ALOXE3: variants seen among roughly 807,000 people sequenced by gnomAD.
ALOXE3 encodes the protein arachidonate epidermal lipoxygenase 3.
In ALOXE3, 78 loss-of-function variants were observed where a neutral mutation model predicts 87.5. The observed-to-expected ratio is 0.89, with a 90% confidence interval of 0.74 to 1.08. The LOEUF (loss-of-function observed/expected upper bound fraction) is 1.08, where lower values mean the gene tolerates loss of function less well. ALOXE3 is among the 50% of genes least tolerant of loss of function. The probability of loss-of-function intolerance (pLI) is 0.00; values close to 1 mark genes in which losing one functional copy is unlikely to be tolerated. For missense variants in ALOXE3, 946 were observed against 912.4 expected (o/e 1.04, Z -0.47); for synonymous variants, 363 against 370.8 (o/e 0.98, Z 0.24).
At chr17:8,118,342 G>A (rs1333575438) in intron 1 of ALOXE3, 39 bp from the exon 2 acceptor site, 67 of 1,551,704 alleles carry the variant, frequency 4.3e-5, no homozygotes, top group Non-Finnish European at 5.8e-5. Flanking sequence ...TGGAGAAAAG[G>A]AGGTAACGCC....
At chr17:8,102,026 T>C (rs1978955791) in intron 15 of ALOXE3, among the ~76,000 whole-genome samples, 3 of 152,192 alleles carry the variant, frequency 2.0e-5, no homozygotes, top group Admixed American at 1.3e-4. Flanking sequence ...GCAAGACGGC[T>C]GGGTGGAAAC....
At chr17:8,115,838 C>T in intron 3 of ALOXE3, 150 bp from the exon 4 acceptor site, 1 of 743,422 alleles carries the variant, frequency 1.3e-6, no homozygotes, top group Non-Finnish European at 2.4e-6. Flanking sequence ...TTTGTGTATT[C>T]ATCAGTAGAA....
chr17:8,103,392 G>T lies in ALOXE3; in HGVS notation c.1887C>A (p.Leu629=), dbSNP rs3027285. 6.2e-7 allele frequency: 1 copy of T among 1,614,124 alleles called. No homozygotes were observed. The highest frequency in any genetic ancestry group is 8.5e-7 in the Non-Finnish European group (1 of 1,180,026). ...TTTLKTYLDT[L]PEVNISCNNL... ...TGTTACAGCTGATGTTCACTTCAGG[G>T]AGGGTGTCTAGGTAAGTCTTCAGGG... The change falls in exon 15 of 16, where the codon CTC becomes CTA. Residue 629 remains leucine (L), a synonymous_variant. Coordinates refer to ENST00000448843, the MANE Select transcript of ALOXE3 (RefSeq NM_021628.3).
chr17:8,096,762 G>A lies in ALOXE3; in HGVS notation c.2001C>T (p.Ala667=), dbSNP rs772803552. 1.9e-6 allele frequency: 3 copies of A among 1,614,164 alleles called. No individual in the cohort carries two copies. The highest frequency in any genetic ancestry group is 4.5e-5 in the East Asian group (2 of 44,874). ...GGAAGGCGGCGATGCTCCGCCTCGG[G>A]GCCTCCTCTGTGAAGTGCTCATCTG... ...TYPDEHFTEE[A]PRRSIAAFQS... Residue 667 remains alanine, a synonymous_variant, in exon 16 of 16, where the codon GCC becomes GCT. Coordinates refer to ENST00000448843, the MANE Select transcript of ALOXE3 (RefSeq NM_021628.3).
rs1338146931 is a variant in ALOXE3, at chr17:8,109,492, G to C, written c.1393-149C>G. The C allele has an allele frequency of 7.6e-6, 8 of 1,054,842 alleles. No homozygotes were observed. In the Admixed American group the frequency reaches 1.5e-4, roughly 20 times the overall value. 65.3% of individuals were successfully genotyped at this position (1,054,842 alleles called of 1,614,324 possible). ...ATCAAATACCCACGAGGGCCTGCCT[G>C]ACGCAGGCTGCGCAGCTTGACGCCC... On this transcript the variant is annotated intron_variant, in intron 11 of 15. Transcript: ENST00000448843.
intron 11 of ALOXE3, 63 bp downstream of exon 11, chr17:8,109,853 G>A: frequency 6.7e-7 from 1 of 1,482,860 alleles, no homozygotes. Context: ...AGGGCTTGGG[G>A]GCGGGTAGCG....
intron 6 of ALOXE3, among the ~76,000 whole-genome samples, chr17:8,113,440 G>T (rs1200380127): frequency 1.3e-5 from 2 of 152,134 alleles, no homozygotes. Flanking sequence ...ATCACCTGAG[G>T]TCAGGAGTTC....
chr17:8,112,774 G>A (rs1568002037), intron 6 of ALOXE3, among the ~76,000 whole-genome samples: 1 of 123,894 alleles, frequency 8.1e-6, no homozygotes. Context: ...TTTTTACAGT[G>A]AGCACTATTT....
rs770504844 is a variant in ALOXE3, at chr17:8,115,027, G to A, written c.465C>T (p.Cys155=). 6.2e-7 allele frequency: 1 copy of A among 1,614,160 alleles called. No homozygotes were observed. ...RWKIYAPGFP[C]MVDVNSFQEM... ...CCTGAAAGCTGTTGACGTCTACCAT[G>A]CAGGGGAAGCCAGGGGCATAGATCT... is the stretch of plus-strand genomic sequence containing the variant. The change falls in exon 5 of 16, where the codon TGC becomes TGT. Residue 155 remains cysteine, a synonymous_variant. Coordinates refer to ENST00000448843, the MANE Select transcript of ALOXE3 (RefSeq NM_021628.3).
chr17:8,108,221 G>C (rs1979677670), intron 13 of ALOXE3, among the ~76,000 whole-genome samples: 2 of 152,194 alleles, frequency 1.3e-5, no homozygotes, highest in Non-Finnish European at 2.9e-5. Context: ...GGGTGGGCTT[G>C]TGGAAAGGTC....
At chr17:8,097,634 A>G (rs989858084) in intron 15 of ALOXE3, among the ~76,000 whole-genome samples, 1 of 152,012 alleles carries the variant, frequency 6.6e-6, no homozygotes, top group Non-Finnish European at 1.5e-5. Context: ...TCCCTCCCTC[A>G]TGATCATATC....
chr17:8,096,607 T>G lies in ALOXE3; in HGVS notation c.*20A>C, dbSNP rs1598190328. On this transcript the variant is annotated 3_prime_UTR_variant, in exon 16 of 16. Coordinates refer to ENST00000448843, the MANE Select transcript of ALOXE3 (RefSeq NM_021628.3). ...TCATGCTTGGACCTTTCTTTCTTCTTGGGTGGTATTTGGGGGTGGTTAGAT... is the reference window on the plus strand; with the variant it reads ...TCATGCTTGGACCTTTCTTTCTTCTGGGGTGGTATTTGGGGGTGGTTAGAT... 1 of 1,079,992 alleles carries G rather than the reference T, an allele frequency of 9.3e-7. No homozygotes were observed. Among genetic ancestry groups the G allele is most frequent in the Non-Finnish European group, 1.4e-6 (1 of 692,330 alleles). 66.9% of individuals were successfully genotyped at this position (1,079,992 alleles called of 1,614,324 possible). A position where few individuals can be genotyped will look rare whatever the true frequency, so the allele number is the denominator to read the frequency against.
intron 2 of ALOXE3, 31 bp from the exon 3 acceptor site, chr17:8,117,011 A>G (rs1439632223): frequency 6.2e-7 from 1 of 1,604,522 alleles, no homozygotes; most frequent in Non-Finnish European, 8.5e-7. Context: ...AGCAGGTGAG[A>G]GGCGGGGAAC....
At chr17:8,115,360 G>A (rs1980495332) in intron 4 of ALOXE3, among the ~76,000 whole-genome samples, 1 of 152,188 alleles carries the variant, frequency 6.6e-6, no homozygotes, top group South Asian at 2.1e-4. Flanking sequence ...CTGATATTGG[G>A]ATCTGGGTTA....
chr17:8,112,061 G>C lies in ALOXE3; in HGVS notation c.784+32C>G, dbSNP rs984783422. On this transcript the variant is annotated intron_variant, in intron 7 of 15. Coordinates refer to ENST00000448843, the MANE Select transcript of ALOXE3 (RefSeq NM_021628.3). ...GGGGTCTGAGCATGAGATAAGGTGA[G>C]GGGTAGACATCTCCTGCCTGGCTCT... 2.5e-6 allele frequency: 4 copies of C among 1,569,678 alleles called. No individual in the cohort carries two copies. In the Admixed American group the frequency reaches 6.7e-5, roughly 26 times the overall value.
intron 13 of ALOXE3, among the ~76,000 whole-genome samples, chr17:8,107,831 A>G (rs532188379): frequency 8.9e-4 from 2 of 2,242 alleles, no homozygotes; most frequent in East Asian, 0.014. Context: ...GAAAGAAAGA[A>G]AGAAAGAAAG....
At chr17:8,109,119 T>C (rs1258067269) in intron 12 of ALOXE3, 55 bp downstream of exon 12, 9 of 1,604,366 alleles carry the variant, frequency 5.6e-6, no homozygotes, top group Non-Finnish European at 6.8e-6. Flanking sequence ...GGGACCACAA[T>C]GTCCCAGGCC....
chr17:8,114,654 C>T, intron 5 of ALOXE3, 45 bp from the exon 6 acceptor site: 1 of 1,612,504 alleles, frequency 6.2e-7, no homozygotes, highest in South Asian at 1.1e-5. Flanking sequence ...TCAGTGGGCC[C>T]TGAAGCCCAG....
intron 5 of ALOXE3, 61 bp from the exon 6 acceptor site, chr17:8,114,670 C>G (rs1359501009): frequency 1.3e-5 from 21 of 1,607,914 alleles, no homozygotes; most frequent in Non-Finnish European, 1.8e-5. Context: ...CCCAGCTGCT[C>G]AACTCCTTCC....
Sources: allele counts gnomAD v4.1 joint callset (sites outside exome capture counted in the v4.1 genomes callset), GRCh38; gene constraint gnomAD v4.1.1; transcripts MANE v1.5; gene names NCBI Gene and HGNC (gene_info 2026-07-23, HGNC 2026-07-21).